Variants in SPIN1 observed in about 807,000 individuals in gnomAD.
SPIN1 encodes the protein spindlin-1.
In SPIN1, 3 loss-of-function variants were observed where a neutral mutation model predicts 26.0. The observed-to-expected ratio is 0.12, with a 90% CI of 0.05 to 0.30. SPIN1 has a LOEUF of 0.30. Among genes scored for constraint, SPIN1 ranks in the 10% least tolerant of loss-of-function variants. SPIN1 has a pLI of 1.00. For missense variants in SPIN1, 126 were observed against 333.4 expected (o/e 0.38, Z 4.84); for synonymous variants, 101 against 116.5 (o/e 0.87, Z 0.86).
At chr9:88,454,658 C>T (rs934645877) in intron 3 of SPIN1, among the ~76,000 whole-genome samples, 6 of 152,150 alleles carry the variant, frequency 3.9e-5, no homozygotes, top group African/African-American at 1.4e-4. Flanking sequence ...CACCTAGCTT[C>T]AATAATCTAC....
intron 2 of SPIN1, among the ~76,000 whole-genome samples, chr9:88,431,508 T>A (rs1231730871): frequency 6.6e-6 from 1 of 151,852 alleles, no homozygotes; most frequent in Non-Finnish European, 1.5e-5. Context: ...CAGGCTGGTC[T>A]TGAACTCCCG....
chr9:88,405,942 C>T (rs1232581428), intron 1 of SPIN1, among the ~76,000 whole-genome samples: 1 of 151,838 alleles, frequency 6.6e-6, no homozygotes, highest in Admixed American at 6.6e-5. Context: ...TTCAAGTGAT[C>T]CTCACACAAT....
At chr9:88,443,958 A>T (rs546198010) in intron 2 of SPIN1, among the ~76,000 whole-genome samples, 1 of 151,786 alleles carries the variant, frequency 6.6e-6, no homozygotes, top group African/African-American at 2.4e-5. Flanking sequence ...TGTCGGTTGC[A>T]GTTTAGGTTT....
At chr9:88,449,070 T>A in intron 3 of SPIN1, 81 bp downstream of exon 3, 1 of 1,373,612 alleles carries the variant, frequency 7.3e-7, no homozygotes, top group South Asian at 1.2e-5. Flanking sequence ...AGGTAAGGCC[T>A]CCTCCCCTGT....
chr9:88,415,550 G>C (rs755274511), intron 1 of SPIN1: 2 of 151,864 alleles, frequency 1.3e-5, no homozygotes, highest in Non-Finnish European at 1.5e-5. Context: ...CAGTTAGCTG[G>C]GACTACAGGC....
intron 3 of SPIN1, among the ~76,000 whole-genome samples, chr9:88,461,938 A>T (rs1828585431): frequency 6.6e-6 from 1 of 152,260 alleles, no homozygotes. Flanking sequence ...GTGCATTGAT[A>T]TAAGCTAGTC....
intron 1 of SPIN1, among the ~76,000 whole-genome samples, chr9:88,403,062 A>G (rs1037428212): frequency 7.2e-5 from 11 of 151,870 alleles, no homozygotes; most frequent in African/African-American, 2.7e-4. Flanking sequence ...TGATGTGAGC[A>G]TTTTTTCATA....
At chr9:88,395,846 AG>A (rs1587769598) in intron 1 of SPIN1, among the ~76,000 whole-genome samples, 1 of 151,924 alleles carries the variant, frequency 6.6e-6, no homozygotes, top group East Asian at 2.0e-4. Context: ...CAGGAGTTCA[AG>A]AACAGCCTGA....
intron 2 of SPIN1, 49 bp downstream of exon 2, chr9:88,426,640 TC>T: frequency 6.6e-7 from 1 of 1,509,342 alleles, no homozygotes. Context: ...TTAATATAAT[TC>T]ATTTCAAACA....
chr9:88,432,861 T>A (rs750855594), intron 2 of SPIN1, among the ~76,000 whole-genome samples: 2 of 152,062 alleles, frequency 1.3e-5, no homozygotes, highest in South Asian at 2.1e-4. Context: ...TTGTTTTTTT[T>A]AATTTCAGTC....
chr9:88,409,663 G>A lies in SPIN1; in HGVS notation c.-158-16719G>A, dbSNP rs201302516. Among the ~76,000 whole-genome samples, 13 of 151,618 alleles carry A rather than the reference G, an allele frequency of 8.6e-5. No individual in the cohort carries two copies. The East Asian group carries it at 2.6e-3, about 30-fold the overall frequency. On this transcript the variant is annotated intron_variant, in intron 1 of 5. Coordinates refer to ENST00000375859, the MANE Select transcript of SPIN1 (RefSeq NM_006717.3). Reference sequence around the variant, plus strand: ...GTCCTGGCTAACATGGTGAAACCCTGTCTCTACTAAAATACAAAAAAAAAA... The same window carrying A: ...GTCCTGGCTAACATGGTGAAACCCTATCTCTACTAAAATACAAAAAAAAAA...
chr9:88,460,905 C>G (rs1828567015), intron 3 of SPIN1, among the ~76,000 whole-genome samples: 2 of 152,194 alleles, frequency 1.3e-5, no homozygotes, highest in Non-Finnish European at 2.9e-5. Flanking sequence ...TATTTCATGG[C>G]TTCTGTCATT....
chr9:88,431,597 G>A (rs1827872813), intron 2 of SPIN1, among the ~76,000 whole-genome samples: 1 of 152,124 alleles, frequency 6.6e-6, no homozygotes, highest in Admixed American at 6.6e-5. Flanking sequence ...GCTTTGAATG[G>A]CATTTTTATT....
At chr9:88,406,036 TGTGTGTAC>T (rs1259202442) in intron 1 of SPIN1, among the ~76,000 whole-genome samples, 1 of 148,806 alleles carries the variant, frequency 6.7e-6, no homozygotes, top group Non-Finnish European at 1.5e-5. Context: ...TGTGTGTGTG[TGTGTGTAC>T]GTGTACGTGT....
intron 3 of SPIN1, among the ~76,000 whole-genome samples, chr9:88,449,436 G>A (rs1828315907): frequency 6.6e-6 from 1 of 152,106 alleles, no homozygotes; most frequent in South Asian, 2.1e-4. Flanking sequence ...CTGTTTTATA[G>A]CATTTTTAAA....
chr9:88,467,731 C>A (rs1177270249), intron 4 of SPIN1, among the ~76,000 whole-genome samples: 2 of 151,568 alleles, frequency 1.3e-5, no homozygotes, highest in Non-Finnish European at 2.9e-5. Context: ...ATCAGTGACA[C>A]AACGATTACT....
At chr9:88,470,515 A>G (rs1209371062) in intron 5 of SPIN1, among the ~76,000 whole-genome samples, 1 of 152,146 alleles carries the variant, frequency 6.6e-6, no homozygotes, top group Non-Finnish European at 1.5e-5. Flanking sequence ...AGTGGATGTG[A>G]AGTGGTATCT....
intron 5 of SPIN1, 125 bp downstream of exon 5, chr9:88,468,730 G>A (rs1828719579): frequency 1.9e-6 from 1 of 539,290 alleles, no homozygotes; most frequent in Non-Finnish European, 2.9e-6. Flanking sequence ...TTTTAGTCAT[G>A]CACAAACACA....
In SPIN1 at chr9:88,475,538, G is replaced by T. The variant is rs1587820640; in HGVS notation, c.*261G>T. 1.9e-5 allele frequency: 6 copies of T among 310,676 alleles called. No individual in the cohort carries two copies. The South Asian group carries it at 3.8e-4, about 20-fold the overall frequency. The allele number at this position is 310,676 out of a possible 1,614,324, so 19.2% of individuals were successfully genotyped here. On this transcript the variant is annotated 3_prime_UTR_variant, in exon 6 of 6. Transcript: ENST00000375859. ...GGCAAGTTTGGTAAAAGTTAAGCTA[G>T]TATCATAGTCATTTAAAATTGTAAT...
Sources: allele counts gnomAD v4.1 joint callset (sites outside exome capture counted in the v4.1 genomes callset), GRCh38; gene constraint gnomAD v4.1.1; transcripts MANE v1.5; gene names NCBI Gene and HGNC (gene_info 2026-07-23, HGNC 2026-07-21).